The following NEDD9 variants were observed in gnomAD, a reference collection of about 807,000 sequenced individuals.
NEDD9 encodes the protein neural precursor cell expressed, developmentally down-regulated 9, also known as enhancer of filamentation 1.
Under a neutral mutation model 76.6 loss-of-function variants are expected in NEDD9, and 26 were observed. The ratio of observed to expected loss-of-function variants is 0.34; its 90% CI spans 0.25 to 0.47. The LOEUF (loss-of-function observed/expected upper bound fraction) is 0.47. Among genes scored for constraint, NEDD9 ranks in the 20% least tolerant of loss-of-function variants. The pLI is 1.00. For synonymous variants in NEDD9, 392 were observed against 414.2 expected (o/e 0.95, Z 0.65); for missense variants, 937 against 1,058.5 (o/e 0.89, Z 1.59).
intron 2 of NEDD9, among the ~76,000 whole-genome samples, chr6:11,193,916 G>C (rs1758226441): frequency 6.6e-6 from 1 of 150,644 alleles, no homozygotes; most frequent in Non-Finnish European, 1.5e-5. Context: ...CTGGAGTACA[G>C]TGGCACAATC....
intron 2 of NEDD9, among the ~76,000 whole-genome samples, chr6:11,311,610 C>A (rs775050690): frequency 6.6e-6 from 1 of 152,292 alleles, no homozygotes; most frequent in Non-Finnish European, 1.5e-5. Context: ...GATACAGGAG[C>A]ACTTACCTCA....
At chr6:11,204,134 TG>T (rs1452433469) in intron 2 of NEDD9, among the ~76,000 whole-genome samples, 1 of 152,196 alleles carries the variant, frequency 6.6e-6, no homozygotes, top group African/African-American at 2.4e-5. Flanking sequence ...GGAACTAAAG[TG>T]GAGTTAGTTA....
At chr6:11,201,223 G>C (rs1758444851) in intron 2 of NEDD9, among the ~76,000 whole-genome samples, 1 of 152,192 alleles carries the variant, frequency 6.6e-6, no homozygotes, top group Non-Finnish European at 1.5e-5. Context: ...AGGCCATGTG[G>C]TCAGAACTTC....
At chr6:11,291,433 C>A (rs1760768090) in intron 3 of NEDD9, among the ~76,000 whole-genome samples, 1 of 152,082 alleles carries the variant, frequency 6.6e-6, no homozygotes, top group Non-Finnish European at 1.5e-5. Flanking sequence ...TGCCACCAAG[C>A]CCAGCTAATT....
chr6:11,238,212 G>A (rs935841814), intron 3 of NEDD9, among the ~76,000 whole-genome samples: 6 of 152,254 alleles, frequency 3.9e-5, no homozygotes, highest in African/African-American at 1.2e-4. Flanking sequence ...GAGGTAGCTT[G>A]TATTGTTCTT....
chr6:11,303,706 T>C (rs550573312), intron 3 of NEDD9, among the ~76,000 whole-genome samples: 2 of 152,186 alleles, frequency 1.3e-5, no homozygotes, highest in African/African-American at 4.8e-5. Flanking sequence ...ACAAGCAATA[T>C]TGAAAGGGTT....
At chr6:11,234,599 T>C (rs1286711016), upstream of NEDD9, among the ~76,000 whole-genome samples, 1 of 152,208 alleles carries the variant, frequency 6.6e-6, no homozygotes, top group Non-Finnish European at 1.5e-5. Flanking sequence ...ACATGTAATC[T>C]ACCCGAAGTT....
At chr6:11,306,738 G>A (rs1188905984) in intron 2 of NEDD9, among the ~76,000 whole-genome samples, 1 of 152,160 alleles carries the variant, frequency 6.6e-6, no homozygotes, top group East Asian at 1.9e-4. Flanking sequence ...AGCTTGTGAA[G>A]GTCACTGGAG....
chr6:11,380,616 C>T (rs1029401986), intron 1 of NEDD9, among the ~76,000 whole-genome samples: 2 of 152,150 alleles, frequency 1.3e-5, no homozygotes, highest in Admixed American at 6.5e-5. Context: ...CTGACTACTT[C>T]GGATACCCCT....
At chr6:11,300,466 C>T (rs1168665623) in intron 3 of NEDD9, among the ~76,000 whole-genome samples, 2 of 152,100 alleles carry the variant, frequency 1.3e-5, no homozygotes, top group East Asian at 1.9e-4. Context: ...AAAACTTCCT[C>T]AACCTAGCAA....
chr6:11,271,645 C>T (rs1235140678), intron 3 of NEDD9: 1 of 152,174 alleles, frequency 6.6e-6, no homozygotes, highest in East Asian at 1.9e-4. Context: ...TCTTCATAGT[C>T]CTGCATTAAG....
intron 3 of NEDD9, among the ~76,000 whole-genome samples, chr6:11,281,511 G>GT (rs908784622): frequency 1.3e-5 from 2 of 152,222 alleles, no homozygotes; most frequent in East Asian, 3.9e-4. Context: ...CAGTCCCCCC[G>GT]TTTTTTCTTT....
intron 2 of NEDD9, among the ~76,000 whole-genome samples, chr6:11,312,162 A>T (rs903737831): frequency 4.6e-5 from 7 of 151,838 alleles, no homozygotes; most frequent in Non-Finnish European, 1.0e-4. Context: ...GGCCCTGGAC[A>T]GCTCCCCGTG....
In NEDD9 at chr6:11,190,927, G is replaced by C. The variant is rs146985170; in HGVS notation, c.942C>G (p.Asn314Lys). The C allele has an allele frequency of 1.9e-6, 3 of 1,613,938 alleles. No individual in the cohort carries two copies. The highest frequency in any genetic ancestry group is 1.3e-5 in the African/African-American group (1 of 74,860). Residue 314 changes from asparagine (N) to lysine (K), a missense_variant, in exon 5 of 7, where the codon AAC (asparagine) becomes AAG (lysine). Asn to Lys is a moderately conservative substitution (Grantham distance 94, BLOSUM62 0). Transcript: ENST00000379446. The surrounding 1 kb of genome is among the most constrained non-coding windows in gnomAD (Gnocchi z 5.8). ...CGCCTCGGGGGACATCATATGCGTC[G>C]TTCTGAGAGCCCACTGACTGTCCGA... is the stretch of plus-strand genomic sequence containing the variant. ...PQLGQSVGSQ[N>K]DAYDVPRGVQ...
At chr6:11,249,066 G>T (rs1759863082) in intron 3 of NEDD9, 1 of 453,156 alleles carries the variant, frequency 2.2e-6, no homozygotes, top group Admixed American at 2.4e-5. Flanking sequence ...ACGTGACTGG[G>T]CTGCAATGCC....
rs1253940113 is a variant in NEDD9, at chr6:11,217,564, T to C, written c.13-3837A>G. ...AGAGCTTGGCAAAACACCAAAACAG[T>C]TAGGGCACAGAACTTGAAAGCCAGA... On this transcript the variant is annotated intron_variant, in intron 1 of 6. Transcript: ENST00000379446. Among the ~76,000 whole-genome samples the C allele has an allele frequency of 2.0e-5, 3 of 152,300 alleles. No individual in the cohort carries two copies. In the East Asian group the frequency reaches 5.8e-4, roughly 29 times the overall value.
chr6:11,206,787 C>T (rs1011498454), intron 2 of NEDD9, among the ~76,000 whole-genome samples: 9 of 131,908 alleles, frequency 6.8e-5, no homozygotes, highest in African/African-American at 1.5e-4. Context: ...TGCTTTGGCT[C>T]GGGTGACTTG....
At chr6:11,343,118 G>GA (rs35437508) in intron 1 of NEDD9, among the ~76,000 whole-genome samples, 28 of 148,970 alleles carry the variant, frequency 1.9e-4, no homozygotes, top group East Asian at 5.9e-4. Flanking sequence ...AACATTGGCT[G>GA]AAAAAAAAAA....
At chr6:11,229,607 C>T (rs542207258) in intron 1 of NEDD9, among the ~76,000 whole-genome samples, 2 of 152,298 alleles carry the variant, frequency 1.3e-5, no homozygotes, top group Admixed American at 6.5e-5. Context: ...TAAGAACATG[C>T]TCTGTATATG....
Sources: allele counts gnomAD v4.1 joint callset (sites outside exome capture counted in the v4.1 genomes callset), GRCh38; gene constraint gnomAD v4.1.1; non-coding constraint Gnocchi (gnomAD v3.1); transcripts MANE v1.5; gene names NCBI Gene and HGNC (gene_info 2026-07-23, HGNC 2026-07-21).